PCDHGB2: variants seen among roughly 807,000 people sequenced by gnomAD.
The protein encoded by PCDHGB2 is protocadherin gamma subfamily B, 2.
Under a neutral mutation model 59.3 loss-of-function variants are expected in PCDHGB2, and 55 were observed. The ratio of observed to expected loss-of-function variants is 0.93; its 90% CI spans 0.75 to 1.16. PCDHGB2 has a LOEUF of 1.16. PCDHGB2 is among the 50% of genes most tolerant of loss of function. The probability of loss-of-function intolerance (pLI) is 0.00; values close to 1 mark genes in which losing one functional copy is unlikely to be tolerated. For synonymous variants in PCDHGB2, 516 were observed against 512.0 expected (o/e 1.01, Z -0.11); for missense variants, 1,228 against 1,198.5 (o/e 1.02, Z -0.36).
chr5:141,494,950 A>T, intron 2 of PCDHGB2, 85 bp downstream of exon 2: 2 of 1,607,070 alleles, frequency 1.2e-6, no homozygotes, highest in African/African-American at 2.7e-5. Context: ...AGGGCCCAGC[A>T]TTTGCTACAG....
intron 1 of PCDHGB2, among the ~76,000 whole-genome samples, chr5:141,382,313 T>G (rs1490254305): frequency 1.3e-5 from 2 of 152,226 alleles, no homozygotes; most frequent in African/African-American, 4.8e-5. Flanking sequence ...TTATATACAC[T>G]GATGTAAATA....
In PCDHGB2 at chr5:141,407,982, G is replaced by C. The variant is rs976187867; in HGVS notation, c.2421+45426G>C. On this transcript the variant is annotated intron_variant, in intron 1 of 3. Coordinates refer to ENST00000522605, the MANE Select transcript of PCDHGB2 (RefSeq NM_018923.3). Reference sequence around the variant, plus strand: ...GAGCAAGCGCTGACGCCGGGGATCCGTCAGCCTCTGGCCTGGGATTCCCTG... The same window carrying C: ...GAGCAAGCGCTGACGCCGGGGATCCCTCAGCCTCTGGCCTGGGATTCCCTG... 1.5e-4 allele frequency: 114 copies of C among 783,006 alleles called. 1 individual carries two copies. Among genetic ancestry groups the C allele is most frequent in the African/African-American group, 9.1e-4 (52 of 57,436 alleles). The allele number at this position is 783,006 out of a possible 1,614,324, so 48.5% of individuals were successfully genotyped here.
intron 1 of PCDHGB2, chr5:141,388,359 G>T: frequency 6.2e-7 from 1 of 1,614,026 alleles, no homozygotes; most frequent in South Asian, 1.1e-5. Flanking sequence ...ATCTGCCCAT[G>T]ATGCGGATAT....
intron 2 of PCDHGB2, among the ~76,000 whole-genome samples, chr5:141,499,689 CTTTTTTT>C (rs545067566): frequency 8.3e-6 from 1 of 119,856 alleles, no homozygotes; most frequent in Non-Finnish European, 1.7e-5. Flanking sequence ...TAACAGATGA[CTTTTTTT>C]TTTTTTTTTT....
At position 141,375,585 on chromosome 5, in the gene PCDHGB2, T is replaced by A. The variant is rs765334095; in HGVS notation, c.2421+13029T>A. 3.1e-6 allele frequency: 5 copies of A among 1,614,014 alleles called. No individual in the cohort carries two copies. The African/African-American group carries it at 6.7e-5, about 22-fold the overall frequency. ...GAAGACACCCTCCAGGGGGCGCCCC[T>A]GTCCTCCTACGTGTCCATCAACTCC... On this transcript the variant is annotated intron_variant, in intron 1 of 3. Transcript: ENST00000522605.
Position 141,389,889 on chromosome 5 carries a change from G to A in PCDHGB2, c.2421+27333G>A. ...GGTCTTCGCCGACAGCTTGCAGGAG[G>A]TGCTGCCGGATATCACTGACCGCCC... On this transcript the variant is annotated intron_variant, in intron 1 of 3. Transcript: ENST00000522605. 1.9e-6 allele frequency: 3 copies of A among 1,614,086 alleles called. No homozygotes were observed. Among genetic ancestry groups the A allele is most frequent in the Admixed American group, 1.7e-5 (1 of 60,034 alleles).
At chr5:141,437,668 G>A (rs72790049) in intron 1 of PCDHGB2, among the ~76,000 whole-genome samples, 16,651 of 151,822 alleles carry the variant, frequency 0.11, 1,007 homozygotes, top group African/African-American at 0.17. Context: ...TCGAAGAGAT[G>A]TTGATCAAAC....
Position 141,376,812 on chromosome 5 carries a change from T to G in PCDHGB2, c.2421+14256T>G, listed in dbSNP as rs62378423. ...CGCCATTCTCCTGCCTCAGCCTCCC[T>G]AGTAGCTGGGACTACAGGCGCCCGC... On this transcript the variant is annotated intron_variant, in intron 1 of 3. Coordinates refer to ENST00000522605, the MANE Select transcript of PCDHGB2 (RefSeq NM_018923.3). 3.9e-4 allele frequency: 120 copies of G among 303,828 alleles called. 2 individuals carry two copies. In the South Asian group the frequency reaches 4.4e-3, roughly 11 times the overall value. The allele number at this position is 303,828 out of a possible 1,614,324, so 18.8% of individuals were successfully genotyped here.
chr5:141,375,735 T>G, intron 1 of PCDHGB2: 1 of 1,614,254 alleles, frequency 6.2e-7, no homozygotes. Flanking sequence ...CTGAGCCTGT[T>G]TGTGCTGGAC....
At chr5:141,410,142 G>C in intron 1 of PCDHGB2, 1 of 1,612,730 alleles carries the variant, frequency 6.2e-7, no homozygotes, top group African/African-American at 1.3e-5. Context: ...GTCGCTGTGC[G>C]TGACGGTGGA....
At chr5:141,445,284 C>A (rs2098462533) in intron 1 of PCDHGB2, among the ~76,000 whole-genome samples, 1 of 152,178 alleles carries the variant, frequency 6.6e-6, no homozygotes, top group African/African-American at 2.4e-5. Flanking sequence ...TGCATAAGTT[C>A]AGGCTTCCAT....
chr5:141,450,899 A>C (rs1045595271), intron 1 of PCDHGB2, among the ~76,000 whole-genome samples: 1 of 149,514 alleles, frequency 6.7e-6, no homozygotes, highest in Non-Finnish European at 1.5e-5. Context: ...ATATCGGCTC[A>C]CTGCAACCGC....
rs968865313 is a variant in PCDHGB2, at chr5:141,511,294, C to T, written c.*121C>T. 1 of 1,506,752 alleles carries T rather than the reference C, an allele frequency of 6.6e-7. No individual in the cohort carries two copies. Among genetic ancestry groups the T allele is most frequent in the Non-Finnish European group, 8.9e-7 (1 of 1,123,692 alleles). 93.3% of individuals were successfully genotyped at this position (1,506,752 alleles called of 1,614,324 possible). On this transcript the variant is annotated 3_prime_UTR_variant, in exon 4 of 4. Coordinates refer to ENST00000522605, the MANE Select transcript of PCDHGB2 (RefSeq NM_018923.3). ...CCCAGAATACTGGTAGGGGCCAAGG[C>T]CATGCTCCCCTTGGGAAACAGAAAC...
In PCDHGB2 at chr5:141,415,509, T is replaced by C. The variant is rs1296405723; in HGVS notation, c.2421+52953T>C. The C allele has an allele frequency of 4.3e-6, 7 of 1,614,054 alleles. No individual in the cohort carries two copies. In the Admixed American group the frequency reaches 5.0e-5, roughly 12 times the overall value. On this transcript the variant is annotated intron_variant, in intron 1 of 3. Transcript: ENST00000522605. ...GTCACCTGATCTTCCCCCAGCCCAA[T>C]TATGCGGACACGCTCATCAGCCAGG...
intron 1 of PCDHGB2, chr5:141,388,688 C>T: frequency 6.2e-7 from 1 of 1,613,970 alleles, no homozygotes; most frequent in Non-Finnish European, 8.5e-7. Context: ...CTGCCACGGA[C>T]CAGGATGAGG....
chr5:141,509,027 A>G (rs1409179803), intron 3 of PCDHGB2, among the ~76,000 whole-genome samples: 1 of 151,700 alleles, frequency 6.6e-6, no homozygotes, highest in Non-Finnish European at 1.5e-5. Flanking sequence ...GCTCCCTCCC[A>G]CTCAACCCCT....
intron 1 of PCDHGB2, chr5:141,395,233 G>T: frequency 6.2e-7 from 1 of 1,602,052 alleles, no homozygotes; most frequent in Non-Finnish European, 8.5e-7. Context: ...GCTGATCATG[G>T]TCAGGTGAGT....
Position 141,431,137 on chromosome 5 carries a change from T to G in PCDHGB2, c.2422-63670T>G. 3 of 1,614,212 alleles carry G rather than the reference T, an allele frequency of 1.9e-6. No individual in the cohort carries two copies. The highest frequency in any genetic ancestry group is 2.2e-5 in the South Asian group (2 of 91,084). On this transcript the variant is annotated intron_variant, in intron 1 of 3. Coordinates refer to ENST00000522605, the MANE Select transcript of PCDHGB2 (RefSeq NM_018923.3). This position sits in a 1 kb window ranked among gnomAD's most constrained non-coding sequence, Gnocchi z 4.8. Reference sequence around the variant, plus strand: ...GAGTAGAAGTAGAAGTAAGGGACATTAACGACAATGCGCCTTACTTTCGTG... The same window carrying G: ...GAGTAGAAGTAGAAGTAAGGGACATGAACGACAATGCGCCTTACTTTCGTG...
intron 3 of PCDHGB2, chr5:141,507,166 GTCC>G (rs1475125845): frequency 6.6e-5 from 10 of 152,288 alleles, no homozygotes; most frequent in Non-Finnish European, 1.2e-4. Context: ...ATGAGAGGCT[GTCC>G]TCTTCCTCGA....
Sources: gnomAD v4.1 joint callset for allele counts (sites outside exome capture counted in the v4.1 genomes callset) on GRCh38, gnomAD v4.1.1 for gene constraint, Gnocchi (gnomAD v3.1) non-coding constraint, MANE v1.5 for transcripts, NCBI Gene and HGNC (gene_info 2026-07-23, HGNC 2026-07-21) for gene names.